Variants in QSOX1 observed in about 807,000 individuals in gnomAD.
The protein encoded by QSOX1 is quiescin sulfhydryl oxidase 1, also known as sulfhydryl oxidase 1.
In QSOX1, 40 loss-of-function variants were observed where a neutral mutation model predicts 76.1. That is an observed-to-expected ratio of 0.53 (90% CI 0.41 to 0.68). The LOEUF is 0.68. Ranked by LOEUF, QSOX1 falls within the 30% of genes least tolerant of loss-of-function variation. The pLI is 0.00. For missense variants in QSOX1, 931 were observed against 974.3 expected (o/e 0.96, Z 0.59); for synonymous variants, 392 against 413.1 (o/e 0.95, Z 0.62).
At chr1:180,189,773 CCAGGGAGT>C (rs1558192172) in intron 9 of QSOX1, 99 bp downstream of exon 9, 1 of 1,391,630 alleles carries the variant, frequency 7.2e-7, no homozygotes, top group African/African-American at 1.4e-5. Flanking sequence ...CCAGTTTGCA[CCAGGGAGT>C]CAGTGATCTT....
Position 180,183,780 on chromosome 1 carries a change from A to G in QSOX1, c.753-136A>G. 6.8e-6 allele frequency: 7 copies of G among 1,033,990 alleles called. No homozygotes were observed. In the Middle Eastern group the frequency reaches 6.9e-4, roughly 102 times the overall value. The allele number at this position is 1,033,990 out of a possible 1,614,324, so 64.1% of individuals were successfully genotyped here. A position where few individuals can be genotyped will look rare whatever the true frequency, so the allele number is the denominator to read the frequency against. On this transcript the variant is annotated intron_variant, in intron 6 of 11. Transcript: ENST00000367602. ...GCCGTCTTCTGGCCTCACAGAGGAC[A>G]AGATGGAATCTCGTTCACATATTTA... is the stretch of plus-strand genomic sequence containing the variant.
In QSOX1 at chr1:180,157,325, C is replaced by T. The variant is rs56150169; in HGVS notation, c.265+2153C>T. Among the ~76,000 whole-genome samples, 3,326 of 152,258 alleles carry T rather than the reference C, an allele frequency of 0.022. 176 individuals are homozygous for T. The East Asian group carries it at 0.22, about 10-fold the overall frequency. ...GTCAGCCTGCAATGAAGAATGTCCTCCACTCTAACCCAAAGGGGTGTTCCC... is the reference window on the plus strand; with the variant it reads ...GTCAGCCTGCAATGAAGAATGTCCTTCACTCTAACCCAAAGGGGTGTTCCC... On this transcript the variant is annotated intron_variant, in intron 1 of 11. Coordinates refer to ENST00000367602, the MANE Select transcript of QSOX1 (RefSeq NM_002826.5).
chr1:180,186,306 AC>A, intron 8 of QSOX1, 124 bp downstream of exon 8: 2 of 1,304,514 alleles, frequency 1.5e-6, no homozygotes, highest in Non-Finnish European at 1.0e-6. Flanking sequence ...GGACACCTGG[AC>A]CCACAGCTCT....
chr1:180,167,415 A>C lies in QSOX1; in HGVS notation c.366+824A>C, dbSNP rs570883283. 6.6e-5 allele frequency among the ~76,000 whole-genome samples: 10 copies of C among 152,320 alleles called. No individual in the cohort carries two copies. The East Asian group carries it at 1.2e-3, about 18-fold the overall frequency. Reference sequence around the variant, plus strand: ...AAGGATTATTAGGAAATGCCTTTGAAAGCTGAAATGCCAAGCATTGTCCCT... The same window carrying C: ...AAGGATTATTAGGAAATGCCTTTGACAGCTGAAATGCCAAGCATTGTCCCT... On this transcript the variant is annotated intron_variant, in intron 2 of 11. Coordinates refer to ENST00000367602, the MANE Select transcript of QSOX1 (RefSeq NM_002826.5).
At chr1:180,194,022 GT>G (rs1663393304) in intron 10 of QSOX1, among the ~76,000 whole-genome samples, 190 bp from the exon 11 acceptor site, 1 of 152,120 alleles carries the variant, frequency 6.6e-6, no homozygotes, top group African/African-American at 2.4e-5. Flanking sequence ...GGGGTCTCCT[GT>G]AAAGTGACCA....
chr1:180,166,644 A>G, intron 2 of QSOX1, 53 bp downstream of exon 2: 1 of 1,515,362 alleles, frequency 6.6e-7, no homozygotes, highest in Non-Finnish European at 9.2e-7. Flanking sequence ...GTTTCCCTTT[A>G]TAAGGGAAAG....
At position 180,197,378 on chromosome 1, in the gene QSOX1, C is replaced by T. The variant is rs752465347; in HGVS notation, c.*341C>T. The T allele has an allele frequency of 6.2e-7, 1 of 1,613,812 alleles. No homozygotes were observed. Among genetic ancestry groups the T allele is most frequent in the South Asian group, 1.1e-5 (1 of 91,088 alleles). ...ATTCTCACTGGAGCCTCAGTCTCTC[C>T]TGCTTGGTCTTGGCCCTCAACTGGG... is the stretch of plus-strand genomic sequence containing the variant. On this transcript the variant is annotated 3_prime_UTR_variant, in exon 12 of 12. Coordinates refer to ENST00000367602, the MANE Select transcript of QSOX1 (RefSeq NM_002826.5).
intron 1 of QSOX1, among the ~76,000 whole-genome samples, chr1:180,166,001 C>T (rs1662605920): frequency 6.6e-6 from 1 of 152,204 alleles, no homozygotes; most frequent in South Asian, 2.1e-4. Flanking sequence ...TCAAGCTCTG[C>T]CCACTACCAG....
chr1:180,177,808 T>C (rs112946740), intron 4 of QSOX1, among the ~76,000 whole-genome samples: 33 of 152,364 alleles, frequency 2.2e-4, no homozygotes, highest in African/African-American at 7.7e-4. Flanking sequence ...CTGTCTAGCA[T>C]ATCCATTTGG....
At chr1:180,173,028 T>G (rs1055902032) in intron 2 of QSOX1, among the ~76,000 whole-genome samples, 2 of 152,236 alleles carry the variant, frequency 1.3e-5, no homozygotes, top group Non-Finnish European at 2.9e-5. Flanking sequence ...AGTCAAAGTG[T>G]AACCTGTCTG....
At chr1:180,179,516 C>T (rs1029324405) in intron 5 of QSOX1, among the ~76,000 whole-genome samples, 2 of 152,194 alleles carry the variant, frequency 1.3e-5, no homozygotes, top group Non-Finnish European at 2.9e-5. Flanking sequence ...ATGTAAAGGG[C>T]CTGGATTGCA....
intron 1 of QSOX1, among the ~76,000 whole-genome samples, chr1:180,159,624 A>G (rs999453032): frequency 2.6e-5 from 4 of 152,234 alleles, no homozygotes; most frequent in Non-Finnish European, 4.4e-5. Flanking sequence ...CTGATTGGTT[A>G]TTTCGGTCCC....
At position 180,197,560 on chromosome 1, in the gene QSOX1, G is replaced by C. The variant is rs968372546; in HGVS notation, c.*523G>C. The stretch of plus-strand genomic sequence containing the variant: ...ACCCCGGGCCCTCTATGCCTGGCCA[G>C]CCTCCAGCTCCTCAGACCTCCTGGG... On this transcript the variant is annotated 3_prime_UTR_variant, in exon 12 of 12. Transcript: ENST00000367602. 4 of 648,580 alleles carry C rather than the reference G, an allele frequency of 6.2e-6. No homozygotes were observed. 40.2% of individuals were successfully genotyped at this position (648,580 alleles called of 1,614,324 possible).
At chr1:180,173,290 C>A (rs976573037) in intron 2 of QSOX1, among the ~76,000 whole-genome samples, 6 of 151,330 alleles carry the variant, frequency 4.0e-5, no homozygotes, top group African/African-American at 1.2e-4. Flanking sequence ...CAAACCAAAC[C>A]CCAAATAGAT....
chr1:180,178,590 G>C (rs1050420975), intron 4 of QSOX1, among the ~76,000 whole-genome samples: 6 of 152,236 alleles, frequency 3.9e-5, no homozygotes, highest in Admixed American at 6.5e-5. Context: ...AGGTAGGTCA[G>C]ATGAAGAGCC....
chr1:180,189,600 G>A lies in QSOX1; in HGVS notation c.1066G>A (p.Glu356Lys), dbSNP rs768668241. 1 of 1,613,668 alleles carries A rather than the reference G, an allele frequency of 6.2e-7. No individual in the cohort carries two copies. Among genetic ancestry groups the A allele is most frequent in the East Asian group, 2.2e-5 (1 of 44,878 alleles). Reference protein sequence around the residue: ...LVQNFLHSVNEWLKRQKRNKI... With the variant: ...LVQNFLHSVNKWLKRQKRNKI... ...CCAGAACTTCCTGCACTCCGTGAAT[G>A]AATGGCTCAAGAGGCAGAAGAGAAA... Residue 356 changes from glutamate to lysine, a missense_variant, in exon 9 of 12, where the codon GAA becomes AAA. Physicochemically the swap from Glu to Lys is moderately conservative, Grantham distance 56. Transcript: ENST00000367602.
intron 7 of QSOX1, among the ~76,000 whole-genome samples, chr1:180,185,473 G>A (rs1663147875): frequency 6.6e-6 from 1 of 152,210 alleles, no homozygotes; most frequent in African/African-American, 2.4e-5. Context: ...GCGGAGAGGT[G>A]TGAGATGGGC....
rs2319651 is a variant in QSOX1 at position 180,202,531 on chromosome 1, A to G, written c.*5494A>G. 0.64 allele frequency: 97,059 copies of G among 151,976 alleles called. 32,457 individuals carry two copies. Among genetic ancestry groups the G allele is most frequent in the Admixed American group, 0.74 (11,325 of 15,266 alleles). 9.4% of individuals were successfully genotyped at this position (151,976 alleles called of 1,614,324 possible). On this transcript the variant is annotated 3_prime_UTR_variant, in exon 12 of 12. Transcript: ENST00000367602. ...AAGTTCTTAACCATCCCGGGTTCCA[A>G]TGGTTACAGAGTTCTGCCCTGGGGA...
intron 1 of QSOX1, among the ~76,000 whole-genome samples, chr1:180,160,143 G>A (rs1662462596): frequency 6.6e-6 from 1 of 152,148 alleles, no homozygotes; most frequent in South Asian, 2.1e-4. Context: ...ATAATACTAA[G>A]AGTTTACAAT....
Sources: allele counts gnomAD v4.1 joint callset (sites outside exome capture counted in the v4.1 genomes callset), GRCh38; gene constraint gnomAD v4.1.1; transcripts MANE v1.5; gene names NCBI Gene and HGNC (gene_info 2026-07-23, HGNC 2026-07-21).